The following FNDC3A variants were observed in gnomAD, a reference collection of about 807,000 sequenced individuals.
FNDC3A encodes the protein fibronectin type III domain containing 3A, also known as fibronectin type-III domain-containing protein 3A.
FNDC3A carries 32 observed loss-of-function variants against 148.9 expected under a neutral mutation model. The ratio of observed to expected loss-of-function variants is 0.21; its 90% CI spans 0.16 to 0.29. FNDC3A has a LOEUF of 0.29. Ranked by LOEUF, FNDC3A falls within the 10% of genes least tolerant of loss-of-function variation. The pLI, the probability that FNDC3A is intolerant of heterozygous loss-of-function variation, is 1.00. For missense variants in FNDC3A, 1,191 were observed against 1,452.8 expected, an observed-to-expected ratio of 0.82 and a Z score of 2.93; for synonymous variants, 472 against 473.6, an observed-to-expected ratio of 1.00 and a Z score of 0.04.
At chr13:49,008,506 T>A (rs1952268325) in intron 2 of FNDC3A, among the ~76,000 whole-genome samples, 1 of 152,202 alleles carries the variant, frequency 6.6e-6, no homozygotes, top group Non-Finnish European at 1.5e-5. Context: ...ACATATTTTG[T>A]CCCTTGTCTT....
chr13:49,159,936 G>A (rs1237432315), intron 8 of FNDC3A, among the ~76,000 whole-genome samples: 4 of 152,170 alleles, frequency 2.6e-5, no homozygotes, highest in Non-Finnish European at 4.4e-5. Context: ...ATTTGCATAC[G>A]TTGAACAAGC....
At chr13:49,163,531 C>T (rs533098214) in intron 8 of FNDC3A, among the ~76,000 whole-genome samples, 2 of 152,248 alleles carry the variant, frequency 1.3e-5, no homozygotes, top group Admixed American at 6.5e-5. Flanking sequence ...TTCCAGGTAC[C>T]ATCTTTCATG....
At chr13:49,011,692 G>A (rs536220012) in intron 2 of FNDC3A, among the ~76,000 whole-genome samples, 28 of 152,064 alleles carry the variant, frequency 1.8e-4, no homozygotes, top group African/African-American at 6.5e-4. Flanking sequence ...AGCTACTCAG[G>A]AGGCTGAGGT....
intron 1 of FNDC3A, among the ~76,000 whole-genome samples, chr13:48,985,291 A>G (rs933062152): frequency 6.6e-6 from 1 of 152,246 alleles, no homozygotes; most frequent in African/African-American, 2.4e-5. Flanking sequence ...TTGAAGGAAT[A>G]CTATTGAACC....
intron 2 of FNDC3A, among the ~76,000 whole-genome samples, chr13:49,073,680 T>C (rs916825702): frequency 6.8e-5 from 10 of 147,256 alleles, no homozygotes; most frequent in Non-Finnish European, 1.3e-4. Context: ...TATACACACA[T>C]ATATAAAATA....
At chr13:49,136,040 A>G (rs1882336738) in intron 5 of FNDC3A, among the ~76,000 whole-genome samples, 1 of 152,186 alleles carries the variant, frequency 6.6e-6, no homozygotes, top group Non-Finnish European at 1.5e-5. Flanking sequence ...CACCTACAAT[A>G]ATCATAAGTT....
At chr13:49,045,129 C>T (rs577781063) in intron 2 of FNDC3A, 1 of 187,874 alleles carries the variant, frequency 5.3e-6, no homozygotes, top group Admixed American at 6.5e-5. Flanking sequence ...CTTTCCCTTT[C>T]CCTTTCCCTT....
chr13:49,201,791 C>G lies in FNDC3A; in HGVS notation c.2988-9C>G. 7.1e-7 allele frequency: 1 copy of G among 1,401,316 alleles called. No homozygotes were observed. The highest frequency in any genetic ancestry group is 9.5e-7 in the Non-Finnish European group (1 of 1,048,540). 86.8% of individuals were successfully genotyped at this position (1,401,316 alleles called of 1,614,324 possible). On this transcript the variant is annotated splice_polypyrimidine_tract_variant and intron_variant, in intron 23 of 25. Coordinates refer to ENST00000492622, the MANE Select transcript of FNDC3A (RefSeq NM_001079673.2). Reference sequence around the variant, plus strand: ...TATAAGGTTTATCTAATAGTTATTTCCATTTTAGGTTTGTATCCCTATACA... The same window carrying G: ...TATAAGGTTTATCTAATAGTTATTTGCATTTTAGGTTTGTATCCCTATACA...
In FNDC3A at chr13:49,198,053, C is replaced by T; in HGVS notation, c.2562C>T (p.Gly854=). 6.2e-7 allele frequency: 1 copy of T among 1,614,068 alleles called. No homozygotes were observed. The highest frequency in any genetic ancestry group is 8.5e-7 in the Non-Finnish European group (1 of 1,179,954). Residue 854 remains glycine, a synonymous_variant, in exon 22 of 26, where the codon GGC becomes GGT. Coordinates refer to ENST00000492622, the MANE Select transcript of FNDC3A (RefSeq NM_001079673.2). ...GTGTGACTCCACCATCAGTTCCTGG[C>T]ATTGTGACCTGTCTTCAAGAAATAA... ...VACVTPPSVP[G]IVTCLQEISD... is the part of the protein sequence containing the mutation.
At chr13:49,034,940 G>T (rs1398630195) in intron 2 of FNDC3A, among the ~76,000 whole-genome samples, 1 of 151,852 alleles carries the variant, frequency 6.6e-6, no homozygotes, top group Non-Finnish European at 1.5e-5. Flanking sequence ...TATCCCCTTG[G>T]GTAATCTTGA....
At chr13:49,147,042 C>T (rs1248210977) in intron 8 of FNDC3A, among the ~76,000 whole-genome samples, 2 of 152,136 alleles carry the variant, frequency 1.3e-5, no homozygotes, top group Admixed American at 1.3e-4. Flanking sequence ...AGTGAAACTG[C>T]TCCGGTGCCT....
At chr13:48,987,035 G>A (rs1361933750) in intron 1 of FNDC3A, among the ~76,000 whole-genome samples, 2 of 152,096 alleles carry the variant, frequency 1.3e-5, no homozygotes, top group African/African-American at 4.8e-5. Flanking sequence ...AGAAACTACA[G>A]GTTTAATCTT....
chr13:49,097,390 AAAC>A (rs1271988640), intron 3 of FNDC3A, among the ~76,000 whole-genome samples: 1 of 151,942 alleles, frequency 6.6e-6, no homozygotes, highest in Admixed American at 6.6e-5. Context: ...TTTTCTTAAG[AAAC>A]AACACTGGTT....
At chr13:49,039,695 CTTTTTCTGTTTTTGT>C (rs1230885541) in intron 2 of FNDC3A, among the ~76,000 whole-genome samples, 1 of 151,890 alleles carries the variant, frequency 6.6e-6, no homozygotes, top group Non-Finnish European at 1.5e-5. Context: ...CATTATCATA[CTTTTTCTGTTTTTGT>C]TTTTTGTTTT....
chr13:49,055,246 A>G (rs914633804), intron 2 of FNDC3A, among the ~76,000 whole-genome samples: 1 of 151,946 alleles, frequency 6.6e-6, no homozygotes, highest in African/African-American at 2.4e-5. Flanking sequence ...TGGGAATACA[A>G]GCATGCACCA....
intron 23 of FNDC3A, among the ~76,000 whole-genome samples, chr13:49,200,723 G>A (rs1359420553): frequency 6.6e-6 from 1 of 151,934 alleles, no homozygotes; most frequent in African/African-American, 2.4e-5. Context: ...ATGGCCTTTG[G>A]TTGTGGAAAA....
At chr13:49,146,096 C>T (rs1292449189) in intron 8 of FNDC3A, 161 bp downstream of exon 8, 5 of 565,390 alleles carry the variant, frequency 8.8e-6, no homozygotes, top group South Asian at 2.4e-5. Flanking sequence ...CCAAATGTAG[C>T]TTGGTACACA....
chr13:49,119,509 G>C (rs1396340612), intron 4 of FNDC3A, among the ~76,000 whole-genome samples: 1 of 152,032 alleles, frequency 6.6e-6, no homozygotes, highest in Admixed American at 6.6e-5. Flanking sequence ...GACAGAAGTA[G>C]GCTTCAGAAG....
chr13:49,107,324 GAA>G (rs1880261201), intron 3 of FNDC3A, among the ~76,000 whole-genome samples: 1 of 152,166 alleles, frequency 6.6e-6, no homozygotes, highest in South Asian at 2.1e-4. Flanking sequence ...AGAAGTTTGA[GAA>G]AAGAGTGGTA....
Sources: allele counts gnomAD v4.1 joint callset (sites outside exome capture counted in the v4.1 genomes callset), GRCh38; gene constraint gnomAD v4.1.1; transcripts MANE v1.5; gene names NCBI Gene and HGNC (gene_info 2026-07-23, HGNC 2026-07-21).